Variants in UTRN observed in about 807,000 individuals in gnomAD.
UTRN encodes utrophin, also known as dystrophin-related protein 1.
Under a neutral mutation model 463.9 loss-of-function variants are expected in UTRN, and 283 were observed. The ratio of observed to expected loss-of-function variants is 0.61; its 90% CI spans 0.55 to 0.67. The LOEUF (loss-of-function observed/expected upper bound fraction) is 0.67. Among genes scored for constraint, UTRN ranks in the 30% least tolerant of loss-of-function variants. UTRN has a pLI of 0.00. For missense variants in UTRN, 3,922 were observed against 4,084.3 expected (o/e 0.96, Z 1.08); for synonymous variants, 1,442 against 1,431.5 (o/e 1.01, Z -0.17).
At position 144,490,943 on chromosome 6, in the gene UTRN, G is replaced by A; in HGVS notation, c.4278G>A (p.Glu1426=). ...TCTGCAAACAGAGGAAACTCCGAGA[G>A]GTGTCCACAAAGTTCCAGCTTTTCC... ...QMDVLQRKLR[E]VSTKFQLFQK... The change falls in exon 32 of 75, where the codon GAG becomes GAA. Residue 1426 remains glutamate, a synonymous_variant. Coordinates refer to ENST00000367545, the MANE Select transcript of UTRN (RefSeq NM_007124.3). The A allele has an allele frequency of 6.2e-7, 1 of 1,602,226 alleles. No homozygotes were observed. Among genetic ancestry groups the A allele is most frequent in the East Asian group, 2.2e-5 (1 of 44,636 alleles).
At position 144,833,418 on chromosome 6, in the gene UTRN, G is replaced by A. The variant is rs1024642981; in HGVS notation, c.9666-2362G>A. Among the ~76,000 whole-genome samples the A allele has an allele frequency of 1.3e-5, 2 of 152,014 alleles. 1 individual carries two copies. Among genetic ancestry groups the A allele is most frequent in the African/African-American group, 4.8e-5 (2 of 41,410 alleles). On this transcript the variant is annotated intron_variant, in intron 69 of 74. Coordinates refer to ENST00000367545, the MANE Select transcript of UTRN (RefSeq NM_007124.3). ...ATTTACTGTTTTATTTTGATTTCTGGCAGATTGCTTGTGATACTTTATCTT... is the reference window on the plus strand; with the variant it reads ...ATTTACTGTTTTATTTTGATTTCTGACAGATTGCTTGTGATACTTTATCTT...
At chr6:144,359,798 G>A (rs902027960) in intron 2 of UTRN, among the ~76,000 whole-genome samples, 1 of 149,650 alleles carries the variant, frequency 6.7e-6, no homozygotes, top group African/African-American at 2.5e-5. Context: ...AGCTAAGCCT[G>A]TATTACATTT....
At chr6:144,794,324 T>C (rs547572973) in intron 63 of UTRN, among the ~76,000 whole-genome samples, 1 of 152,158 alleles carries the variant, frequency 6.6e-6, no homozygotes, top group Non-Finnish European at 1.5e-5. Context: ...CCTTGATTCC[T>C]GCCTCAGCAG....
At chr6:144,782,993 C>T (rs894764136) in intron 61 of UTRN, among the ~76,000 whole-genome samples, 6 of 151,908 alleles carry the variant, frequency 3.9e-5, no homozygotes, top group African/African-American at 1.5e-4. Context: ...GTTAGGAGTT[C>T]GAGACCAGCC....
At chr6:144,593,295 G>A (rs1286622882) in intron 51 of UTRN, among the ~76,000 whole-genome samples, 5 of 152,180 alleles carry the variant, frequency 3.3e-5, no homozygotes, top group Non-Finnish European at 5.9e-5. Flanking sequence ...GGCTTGAGCA[G>A]GTGGCCCAAA....
chr6:144,520,195 T>A (rs762611282), intron 39 of UTRN, among the ~76,000 whole-genome samples: 2 of 152,248 alleles, frequency 1.3e-5, no homozygotes, highest in Non-Finnish European at 2.9e-5. Flanking sequence ...AGAAATACTT[T>A]CATTGGGCTA....
Position 144,678,718 on chromosome 6 carries a change from C to A in UTRN, c.7652+140C>A, listed in dbSNP as rs1781902231. On this transcript the variant is annotated intron_variant, in intron 52 of 74. Coordinates refer to ENST00000367545, the MANE Select transcript of UTRN (RefSeq NM_007124.3). ...AATAGTTTAAGATTTTAATGCAAAGCCTGTTTCCTTGAGTTATATAGTTCA... is the reference window on the plus strand; with the variant it reads ...AATAGTTTAAGATTTTAATGCAAAGACTGTTTCCTTGAGTTATATAGTTCA... The A allele has an allele frequency of 9.6e-6, 8 of 835,264 alleles. No individual in the cohort carries two copies. In the South Asian group the frequency reaches 1.6e-4, roughly 17 times the overall value. 51.7% of individuals were successfully genotyped at this position (835,264 alleles called of 1,614,324 possible). A position where few individuals can be genotyped will look rare whatever the true frequency, so the allele number is the denominator to read the frequency against.
chr6:144,378,071 GT>G (rs1780611983), intron 2 of UTRN, among the ~76,000 whole-genome samples: 1 of 152,226 alleles, frequency 6.6e-6, no homozygotes, highest in Non-Finnish European at 1.5e-5. Context: ...TCTTTTTAAT[GT>G]TTCTAGAAGT....
At chr6:144,388,794 G>A (rs1781643226) in intron 2 of UTRN, among the ~76,000 whole-genome samples, 3 of 152,242 alleles carry the variant, frequency 2.0e-5, no homozygotes, top group South Asian at 4.1e-4. Context: ...GAGCCACCTT[G>A]CCCTACCCGC....
chr6:144,557,440 C>A, intron 50 of UTRN, 129 bp downstream of exon 50: 1 of 661,286 alleles, frequency 1.5e-6, no homozygotes, highest in Non-Finnish European at 2.2e-6. Context: ...TATTTTTATA[C>A]TGTGATGTTC....
At chr6:144,317,762 C>A (rs1775376858) in intron 2 of UTRN, among the ~76,000 whole-genome samples, 1 of 152,184 alleles carries the variant, frequency 6.6e-6, no homozygotes, top group African/African-American at 2.4e-5. Flanking sequence ...TCTTACCTTT[C>A]TTTTTATAAA....
At chr6:144,320,099 G>A (rs62428952) in intron 2 of UTRN, among the ~76,000 whole-genome samples, 8,049 of 152,136 alleles carry the variant, frequency 0.053, 353 homozygotes, top group Non-Finnish European at 0.08. Flanking sequence ...TGATCCGCCC[G>A]CCTCCGCCTC....
At chr6:144,727,970 G>A (rs999402774) in intron 53 of UTRN, among the ~76,000 whole-genome samples, 1 of 151,672 alleles carries the variant, frequency 6.6e-6, no homozygotes, top group Admixed American at 6.6e-5. Context: ...TGCAGTGGCA[G>A]GCACCTGTAA....
intron 51 of UTRN, among the ~76,000 whole-genome samples, chr6:144,622,636 T>C (rs1211516253): frequency 6.6e-6 from 1 of 152,266 alleles, no homozygotes; most frequent in Non-Finnish European, 1.5e-5. Flanking sequence ...TCTTTTCTGA[T>C]ATCTTTACAA....
At chr6:144,747,888 A>G (rs554719121) in intron 54 of UTRN, among the ~76,000 whole-genome samples, 86 of 152,344 alleles carry the variant, frequency 5.6e-4, no homozygotes, top group Non-Finnish European at 1.0e-3. Flanking sequence ...ACTGAAATGA[A>G]AAAGTGTCTT....
Position 144,451,503 on chromosome 6 carries a change from A to G in UTRN, c.2196+10A>G, listed in dbSNP as rs1584841317. 2 of 1,608,814 alleles carry G rather than the reference A, an allele frequency of 1.2e-6. No homozygotes were observed. Among genetic ancestry groups the G allele is most frequent in the Non-Finnish European group, 1.7e-6 (2 of 1,178,422 alleles). ...GAAAAAGAAGTTGAAGGTAAAAAACATAAACCACATATATCCTAGTGCATA... is the reference window on the plus strand; with the variant it reads ...GAAAAAGAAGTTGAAGGTAAAAAACGTAAACCACATATATCCTAGTGCATA... On this transcript the variant is annotated intron_variant, in intron 18 of 74. Coordinates refer to ENST00000367545, the MANE Select transcript of UTRN (RefSeq NM_007124.3).
Position 144,421,989 on chromosome 6 carries a change from T to G in UTRN, c.234+19T>G. The G allele has an allele frequency of 2.5e-6, 4 of 1,599,078 alleles. No individual in the cohort carries two copies. In the South Asian group the frequency reaches 4.5e-5, roughly 18 times the overall value. On this transcript the variant is annotated intron_variant, in intron 4 of 74. Transcript: ENST00000367545. ...ATCACTGGTGAGCAAGTCATCTTTG[T>G]AAACAACGGAGTCTCCGGTCATTGC...
intron 2 of UTRN, among the ~76,000 whole-genome samples, chr6:144,374,226 T>C (rs1234579422): frequency 6.6e-6 from 1 of 152,230 alleles, no homozygotes; most frequent in Admixed American, 6.5e-5. Context: ...ATAAGGTAAA[T>C]ATTTTACATT....
intron 65 of UTRN, among the ~76,000 whole-genome samples, chr6:144,819,242 T>C (rs1338746674): frequency 6.6e-6 from 1 of 152,228 alleles, no homozygotes; most frequent in Non-Finnish European, 1.5e-5. Flanking sequence ...ATGTCTCATC[T>C]CTGCTTTGCA....
Sources: allele counts gnomAD v4.1 joint callset (sites outside exome capture counted in the v4.1 genomes callset), GRCh38; gene constraint gnomAD v4.1.1; transcripts MANE v1.5; gene names NCBI Gene and HGNC (gene_info 2026-07-23, HGNC 2026-07-21).